The following ZNF577 variants were observed in gnomAD, a reference collection of about 807,000 sequenced individuals.
ZNF577 encodes the protein zinc finger protein 577.
A neutral mutation model predicts 13.9 loss-of-function variants in ZNF577; 14 were observed. That is an observed-to-expected ratio of 1.00 (90% confidence interval 0.66 to 1.57). The LOEUF (loss-of-function observed/expected upper bound fraction) is 1.57, where lower values mean the gene tolerates loss of function less well. Among genes scored for constraint, ZNF577 ranks in the 40% most tolerant of loss-of-function variants. ZNF577 has a pLI of 0.00. For synonymous variants in ZNF577, 203 were observed against 202.9 expected, an observed-to-expected ratio of 1.00 and a Z score of 0.00; for missense variants, 555 against 579.2, an observed-to-expected ratio of 0.96 and a Z score of 0.43.
intron 9 of ZNF577, among the ~76,000 whole-genome samples, chr19:51,818,221 T>C (rs1381971875): frequency 6.6e-6 from 1 of 152,226 alleles, no homozygotes; most frequent in East Asian, 1.9e-4. Flanking sequence ...AAGAACGCCA[T>C]GTATCTCATT....
In ZNF577 at chr19:51,824,818, G is replaced by T; in HGVS notation, c.*600-13144C>A. Reference sequence around the variant, plus strand: ...GAGTTACAAGCAATGTGAGGTCGGGGATATTTTTGGGCTCTGTCTCTTTCT... The same window carrying T: ...GAGTTACAAGCAATGTGAGGTCGGGTATATTTTTGGGCTCTGTCTCTTTCT... On this transcript the variant is annotated intron_variant and NMD_transcript_variant, in intron 9 of 10. Transcript: ENST00000638827. The surrounding 1 kb of genome is among the most constrained non-coding windows in gnomAD (Gnocchi z 4.7). 6.3e-7 allele frequency: 1 copy of T among 1,594,838 alleles called. No individual in the cohort carries two copies. The highest frequency in any genetic ancestry group is 8.6e-7 in the Non-Finnish European group (1 of 1,169,288).
chr19:51,858,761 A>G (rs2084465250), intron 5 of ZNF577, among the ~76,000 whole-genome samples: 1 of 152,136 alleles, frequency 6.6e-6, no homozygotes, highest in Non-Finnish European at 1.5e-5. Flanking sequence ...TCAGTCAAGT[A>G]AGTCTCATTT....
At position 51,883,785 on chromosome 19, in the gene ZNF577, G is replaced by T. The variant is rs955471168; in HGVS notation, c.-218-2908C>A. Among the ~76,000 whole-genome samples the T allele has an allele frequency of 4.7e-4, 72 of 152,052 alleles. 3 individuals are homozygous for T. The highest frequency in any genetic ancestry group is 7.2e-5 in the African/African-American group (3 of 41,422). On this transcript the variant is annotated intron_variant, in intron 1 of 5. Coordinates refer to ENST00000638348, the MANE Select transcript of ZNF577 (RefSeq NM_001370449.1). ...TGGACTAACTATTCAATGAACTAAAGAAATAGGCTGGGCACAGTGGCTCAC... is the reference window on the plus strand; with the variant it reads ...TGGACTAACTATTCAATGAACTAAATAAATAGGCTGGGCACAGTGGCTCAC...
At chr19:51,860,015 A>G (rs964351232) in intron 5 of ZNF577, among the ~76,000 whole-genome samples, 2 of 152,140 alleles carry the variant, frequency 1.3e-5, no homozygotes, top group African/African-American at 4.8e-5. Flanking sequence ...GAAATGTCTA[A>G]TATTTATAGA....
intron 5 of ZNF577, among the ~76,000 whole-genome samples, chr19:51,846,580 C>T (rs763878436): frequency 4.6e-5 from 7 of 151,954 alleles, no homozygotes; most frequent in East Asian, 1.9e-4. Context: ...GTGGTGCAAA[C>T]GCCTGTAATC....
chr19:51,887,195 CAT>C lies in ZNF577; in HGVS notation c.-595_-594del, dbSNP rs1006281391. The C allele has an allele frequency of 6.6e-4, 101 of 152,232 alleles. No homozygotes were observed. The highest frequency in any genetic ancestry group is 2.3e-3 in the African/African-American group (96 of 41,536). The allele number at this position is 152,232 out of a possible 1,614,324, so 9.4% of individuals were successfully genotyped here. A position where few individuals can be genotyped will look rare whatever the true frequency, so the allele number is the denominator to read the frequency against. Reference sequence around the variant, plus strand: ...ATATTGGGTTAATAGAAATCCATCACATGTTCCTGAAAGTGTTGTATCTAGAT... The same window carrying C: ...ATATTGGGTTAATAGAAATCCATCACGTTCCTGAAAGTGTTGTATCTAGAT... On this transcript the variant is annotated 5_prime_UTR_variant, in exon 1 of 6. An upstream start codon of the reference 5' UTR is lost. Coordinates refer to ENST00000638348, the MANE Select transcript of ZNF577 (RefSeq NM_001370449.1).
intron 1 of ZNF577, among the ~76,000 whole-genome samples, chr19:51,885,181 A>G (rs1211162486): frequency 6.6e-6 from 1 of 152,208 alleles, no homozygotes; most frequent in Non-Finnish European, 1.5e-5. Flanking sequence ...GGTTAGCTGA[A>G]TGTTTTTGTA....
chr19:51,883,625 G>C (rs1206642070), intron 1 of ZNF577, among the ~76,000 whole-genome samples: 1 of 149,258 alleles, frequency 6.7e-6, no homozygotes, highest in Non-Finnish European at 1.5e-5. Context: ...GAAAAAAAAA[G>C]GGGGAGCTGT....
In ZNF577 at chr19:51,869,656, CT is replaced by C. The variant is rs199667014; in HGVS notation, c.*2875del. Among the ~76,000 whole-genome samples the C allele has an allele frequency of 8.9e-3, 1,358 of 152,280 alleles. 18 individuals are homozygous for C. The highest frequency in any genetic ancestry group is 0.03 in the African/African-American group (1,244 of 41,542). On this transcript the variant is annotated 3_prime_UTR_variant, in exon 6 of 6. Transcript: ENST00000638348. ...TTCTTTTCTCAGTCTCTCGTCCCCCCTGACGAGAAACACCCACAGGTGTGGA... is the reference window on the plus strand; with the variant it reads ...TTCTTTTCTCAGTCTCTCGTCCCCCCGACGAGAAACACCCACAGGTGTGGA...
At chr19:51,806,759 G>A (rs1175970790) in intron 10 of ZNF577, among the ~76,000 whole-genome samples, 1 of 152,224 alleles carries the variant, frequency 6.6e-6, no homozygotes, top group African/African-American at 2.4e-5. Context: ...ATGACCAGCT[G>A]TCTCACCTGT....
At position 51,872,589 on chromosome 19, in the gene ZNF577, ATTCAC is replaced by A. The variant is rs774744563; in HGVS notation, c.1396_1400del (p.Val466CysfsTer31). 1 of 1,613,510 alleles carries A rather than the reference ATTCAC, an allele frequency of 6.2e-7. No individual in the cohort carries two copies. The highest frequency in any genetic ancestry group is 1.1e-5 in the South Asian group (1 of 90,960). On this transcript the variant is annotated frameshift_variant, in exon 6 of 6. Coordinates refer to ENST00000638348, the MANE Select transcript of ZNF577 (RefSeq NM_001370449.1). LOFTEE classifies it low-confidence loss of function (END_TRUNC). ...TATAATTTATTACTGATGGGGCCAC[ATTCAC>A]TTCATTTGTGAGGCTTATTCTCTGT... is the stretch of plus-strand genomic sequence containing the variant.
At chr19:51,882,618 C>T (rs1021999375) in intron 1 of ZNF577, among the ~76,000 whole-genome samples, 2 of 150,928 alleles carry the variant, frequency 1.3e-5, no homozygotes, top group African/African-American at 4.9e-5. Context: ...CTTGTCTCTA[C>T]AAAAAAAAAT....
At chr19:51,839,294 C>T (rs1420584826) in intron 9 of ZNF577, among the ~76,000 whole-genome samples, 2 of 151,958 alleles carry the variant, frequency 1.3e-5, no homozygotes, top group African/African-American at 2.4e-5. Context: ...CTCAGCAGGC[C>T]GAGACAGGAG....
intron 5 of ZNF577, among the ~76,000 whole-genome samples, chr19:51,846,596 T>C (rs1000302356): frequency 6.6e-6 from 1 of 151,972 alleles, no homozygotes; most frequent in Admixed American, 6.5e-5. Flanking sequence ...TAATCACTGC[T>C]ACTTGGGAGG....
chr19:51,872,422 C>T lies in ZNF577; in HGVS notation c.*110G>A. On this transcript the variant is annotated 3_prime_UTR_variant, in exon 6 of 6. Transcript: ENST00000638348. ...CAGGTTTGACTTCTCACAGAAATGT[C>T]CTCCACAACCACTGCCTCCACAGTG... The T allele has an allele frequency of 1.6e-5, 14 of 888,952 alleles. No individual in the cohort carries two copies. The highest frequency in any genetic ancestry group is 2.3e-5 in the Non-Finnish European group (14 of 604,254). The allele number at this position is 888,952 out of a possible 1,614,324, so 55.1% of individuals were successfully genotyped here. A position where few individuals can be genotyped will look rare whatever the true frequency, so the allele number is the denominator to read the frequency against.
intron 5 of ZNF577, among the ~76,000 whole-genome samples, chr19:51,851,466 G>A (rs576425891): frequency 6.6e-6 from 1 of 152,142 alleles, no homozygotes; most frequent in Non-Finnish European, 1.5e-5. Context: ...GAATATGTAA[G>A]TGGTGGGTTA....
intron 9 of ZNF577, among the ~76,000 whole-genome samples, chr19:51,819,936 A>G (rs2084175573): frequency 6.6e-6 from 1 of 152,186 alleles, no homozygotes; most frequent in Non-Finnish European, 1.5e-5. Flanking sequence ...ATTTCTTGGG[A>G]AGACGAGAGA....
chr19:51,830,304 C>T (rs2084255546), intron 9 of ZNF577, among the ~76,000 whole-genome samples: 1 of 152,164 alleles, frequency 6.6e-6, no homozygotes, highest in Non-Finnish European at 1.5e-5. Flanking sequence ...TAACTGAAAA[C>T]ATAAAAACCT....
At position 51,870,793 on chromosome 19, in the gene ZNF577, G is replaced by A. The variant is rs942011424; in HGVS notation, c.*1739C>T. Among the ~76,000 whole-genome samples the A allele has an allele frequency of 2.0e-5, 3 of 152,004 alleles. No individual in the cohort carries two copies. Among genetic ancestry groups the A allele is most frequent in the African/African-American group, 7.3e-5 (3 of 41,362 alleles). The stretch of plus-strand genomic sequence containing the variant: ...TCAGAGAGATGGCTGGGATCTGCTT[G>A]GGTTTCTCCTCCCAATCCTGCAGAC... On this transcript the variant is annotated 3_prime_UTR_variant, in exon 6 of 6. Transcript: ENST00000638348.
Sources: allele counts gnomAD v4.1 joint callset (sites outside exome capture counted in the v4.1 genomes callset), GRCh38; gene constraint gnomAD v4.1.1; non-coding constraint Gnocchi (gnomAD v3.1); transcripts MANE v1.5; gene names NCBI Gene and HGNC (gene_info 2026-07-23, HGNC 2026-07-21).